Variants in MAP7 observed in about 807,000 individuals in gnomAD.
The protein encoded by MAP7 is microtubule associated protein 7.
Under a neutral mutation model 94.8 loss-of-function variants are expected in MAP7, and 52 were observed. The observed-to-expected ratio is 0.55, with a 90% CI of 0.44 to 0.69. MAP7 has a LOEUF of 0.69. Ranked by LOEUF, MAP7 falls within the 30% of genes least tolerant of loss-of-function variation. MAP7 has a pLI of 0.00. For synonymous variants in MAP7, 350 were observed against 357.0 expected (o/e 0.98, Z 0.22); for missense variants, 940 against 964.6 (o/e 0.97, Z 0.34).
chr6:136,372,718 G>T, intron 7 of MAP7, 93 bp from the exon 8 acceptor site: 1 of 1,553,978 alleles, frequency 6.4e-7, no homozygotes, highest in Non-Finnish European at 8.9e-7. Flanking sequence ...CCAAAAGCAG[G>T]TTCAGGAAAA....
At chr6:136,522,145 AT>A (rs1484733225) in intron 1 of MAP7, among the ~76,000 whole-genome samples, 6 of 152,208 alleles carry the variant, frequency 3.9e-5, no homozygotes, top group African/African-American at 1.2e-4. Flanking sequence ...ATCCAAGGGC[AT>A]TTAGTTACTG....
At chr6:136,412,683 G>T (rs2128744080) in intron 2 of MAP7, among the ~76,000 whole-genome samples, 1 of 152,258 alleles carries the variant, frequency 6.6e-6, no homozygotes, top group Admixed American at 6.5e-5. Flanking sequence ...TAAGCGACGG[G>T]GCTCATGGTT....
intron 3 of MAP7, among the ~76,000 whole-genome samples, chr6:136,400,657 A>G (rs1783813277): frequency 6.6e-6 from 1 of 152,232 alleles, no homozygotes; most frequent in Non-Finnish European, 1.5e-5. Flanking sequence ...AAAAAATAGA[A>G]CTGAAGATCA....
chr6:136,479,334 A>C (rs1438697353), intron 1 of MAP7, among the ~76,000 whole-genome samples: 2 of 152,194 alleles, frequency 1.3e-5, no homozygotes, highest in Non-Finnish European at 2.9e-5. Context: ...ATCCTAAAAA[A>C]CTGGGAATAG....
chr6:136,421,798 T>A lies in MAP7; in HGVS notation c.69A>T (p.Ala23=). 1 of 1,602,604 alleles carries A rather than the reference T, an allele frequency of 6.2e-7. No homozygotes were observed. ...GGDGAVRSET[A]PDSYKVQDKK... ...TATCTTGCACTTTGTAGCTGTCGGG[T>A]GCTACAGAAATGAGACAAAAGAGAA... is the stretch of plus-strand genomic sequence containing the variant. The change falls in exon 2 of 18, where the codon GCA becomes GCT. Residue 23 remains alanine, a splice_region_variant and synonymous_variant. Transcript: ENST00000354570.
At chr6:136,403,602 C>A in intron 3 of MAP7, among the ~76,000 whole-genome samples, 1 of 152,232 alleles carries the variant, frequency 6.6e-6, no homozygotes, top group Non-Finnish European at 1.5e-5. Flanking sequence ...AGGTCCTGAT[C>A]TTCCAATGCC....
intron 1 of MAP7, among the ~76,000 whole-genome samples, chr6:136,517,284 A>G (rs1825143588): frequency 1.3e-5 from 2 of 152,332 alleles, no homozygotes; most frequent in Admixed American, 1.3e-4. Context: ...GACTAAAACA[A>G]CACAAGAAAG....
At chr6:136,412,699 G>A (rs900416820) in intron 2 of MAP7, among the ~76,000 whole-genome samples, 4 of 152,152 alleles carry the variant, frequency 2.6e-5, no homozygotes, top group South Asian at 2.1e-4. Context: ...TGGTTAAGGT[G>A]AGGACTTTGC....
At chr6:136,460,576 T>G (rs1434750418) in intron 1 of MAP7, among the ~76,000 whole-genome samples, 1 of 152,164 alleles carries the variant, frequency 6.6e-6, no homozygotes, top group Non-Finnish European at 1.5e-5. Flanking sequence ...AAGCCTGCCC[T>G]GTAGTTTTTC....
chr6:136,392,756 T>C (rs956231716), intron 3 of MAP7, among the ~76,000 whole-genome samples: 2 of 152,174 alleles, frequency 1.3e-5, no homozygotes, highest in Non-Finnish European at 2.9e-5. Flanking sequence ...TGTATGATGG[T>C]CATAGGCAGA....
At position 136,478,979 on chromosome 6, in the gene MAP7, CAA is replaced by C. The variant is rs59319740; in HGVS notation, c.68-57182_68-57181del. ...TGATACCAAAATCAAACAGACACAT[CAA>C]AAAAAAAAAAAAAAGAAAGAAAGAA... On this transcript the variant is annotated intron_variant, in intron 1 of 17. Coordinates refer to ENST00000354570, the MANE Select transcript of MAP7 (RefSeq NM_003980.6). 1.4e-3 allele frequency among the ~76,000 whole-genome samples: 65 copies of C among 45,512 alleles called. 2 individuals are homozygous for C. The highest frequency in any genetic ancestry group is 3.0e-3 in the African/African-American group (57 of 18,778). The allele number at this position is 45,512 out of a possible 152,430, so 29.9% of individuals were successfully genotyped here. A position where few individuals can be genotyped will look rare whatever the true frequency, so the allele number is the denominator to read the frequency against.
intron 1 of MAP7, among the ~76,000 whole-genome samples, chr6:136,456,075 A>G (rs1465725705): frequency 6.6e-6 from 1 of 152,206 alleles, no homozygotes; most frequent in Non-Finnish European, 1.5e-5. Flanking sequence ...AGTCTAAGAC[A>G]GTATTTAAGC....
At chr6:136,357,270 A>C (rs1791272567) in intron 15 of MAP7, among the ~76,000 whole-genome samples, 1 of 152,224 alleles carries the variant, frequency 6.6e-6, no homozygotes, top group Non-Finnish European at 1.5e-5. Flanking sequence ...TGAGGATTTC[A>C]CGAATGGAAA....
intron 1 of MAP7, among the ~76,000 whole-genome samples, chr6:136,456,028 C>A (rs936373133): frequency 7.2e-5 from 11 of 152,222 alleles, no homozygotes; most frequent in South Asian, 6.2e-4. Flanking sequence ...ACTTGCTTAC[C>A]CAGCCACAAA....
At chr6:136,495,783 T>C (rs375696439) in intron 1 of MAP7, among the ~76,000 whole-genome samples, 66 of 152,338 alleles carry the variant, frequency 4.3e-4, no homozygotes, top group African/African-American at 1.4e-3. Flanking sequence ...ACAGAATCTA[T>C]AGATTTTGCT....
intron 1 of MAP7, among the ~76,000 whole-genome samples, chr6:136,426,610 T>C (rs1793233507): frequency 6.6e-6 from 1 of 152,180 alleles, no homozygotes. Flanking sequence ...AGCATCCAGA[T>C]AAGTGAAGAA....
At chr6:136,377,963 T>TG in intron 6 of MAP7, 95 bp from the exon 7 acceptor site, 4 of 838,274 alleles carry the variant, frequency 4.8e-6, no homozygotes, top group Non-Finnish European at 7.7e-6. Flanking sequence ...ACGCTGGGCC[T>TG]TCACAGGACC....
At chr6:136,526,377 C>T in intron 1 of MAP7, 2 of 991,002 alleles carry the variant, frequency 2.0e-6, no homozygotes, top group African/African-American at 1.7e-5. Flanking sequence ...CAATCAGATC[C>T]CAGCTTCTTC....
At chr6:136,378,615 T>C (rs1776903459) in intron 6 of MAP7, among the ~76,000 whole-genome samples, 1 of 152,186 alleles carries the variant, frequency 6.6e-6, no homozygotes, top group South Asian at 2.1e-4. Context: ...ATCCTAGAGA[T>C]TGCTAGTGGA....
Sources: gnomAD v4.1 joint callset for allele counts (sites outside exome capture counted in the v4.1 genomes callset) on GRCh38, gnomAD v4.1.1 for gene constraint, MANE v1.5 for transcripts, NCBI Gene and HGNC (gene_info 2026-07-23, HGNC 2026-07-21) for gene names.